The following PSMD1 variants were observed in gnomAD, a reference collection of about 807,000 sequenced individuals.
PSMD1 encodes the protein proteasome 26S subunit, non-ATPase 1.
In PSMD1, 18 loss-of-function variants were observed where a neutral mutation model predicts 119.0. The observed-to-expected ratio is 0.15, with a 90% CI of 0.10 to 0.22. PSMD1 has a LOEUF of 0.22. Ranked by LOEUF, PSMD1 falls within the 10% of genes least tolerant of loss-of-function variation. The probability of loss-of-function intolerance (pLI) is 1.00; values close to 1 mark genes in which losing one functional copy is unlikely to be tolerated. For synonymous variants in PSMD1, 374 were observed against 396.6 expected, an observed-to-expected ratio of 0.94 and a Z score of 0.68; for missense variants, 702 against 1,158.5, an observed-to-expected ratio of 0.61 and a Z score of 5.72.
At position 231,116,284 on chromosome 2, in the gene PSMD1, C is replaced by A. The variant is rs970316003; in HGVS notation, c.1884-22452C>A. ...TGAGGGTACATCTTGAGCTGAAGTT[C>A]TAGATTTAGGACTGTAAGTAGGGTG... On this transcript the variant is annotated intron_variant, in intron 16 of 24. Transcript: ENST00000308696. 3.3e-5 allele frequency among the ~76,000 whole-genome samples: 5 copies of A among 152,158 alleles called. No individual in the cohort carries two copies. The East Asian group carries it at 5.8e-4, about 18-fold the overall frequency.
At chr2:231,079,950 G>C (rs1162485771) in intron 11 of PSMD1, among the ~76,000 whole-genome samples, 191 bp from the exon 12 acceptor site, 1 of 151,800 alleles carries the variant, frequency 6.6e-6, no homozygotes, top group Non-Finnish European at 1.5e-5. Flanking sequence ...TTTCTAACCA[G>C]AGTGTAACTG....
chr2:231,142,715 A>G (rs1449752415), intron 17 of PSMD1, among the ~76,000 whole-genome samples: 1 of 152,080 alleles, frequency 6.6e-6, no homozygotes, highest in African/African-American at 2.4e-5. Context: ...TCAAAGGCCG[A>G]GTTACTGTCT....
intron 16 of PSMD1, chr2:231,114,014 G>C: frequency 9.4e-7 from 1 of 1,066,366 alleles, no homozygotes; most frequent in Non-Finnish European, 1.4e-6. Context: ...TACATCTTTT[G>C]TCTTTTTTGT....
chr2:231,169,482 T>C (rs544295724), intron 23 of PSMD1, among the ~76,000 whole-genome samples: 119 of 151,986 alleles, frequency 7.8e-4, no homozygotes, highest in Non-Finnish European at 1.4e-3. Context: ...AGGGAAGGGG[T>C]TGTAGAAAAA....
intron 19 of PSMD1, among the ~76,000 whole-genome samples, chr2:231,160,635 TA>T (rs1181137670): frequency 6.6e-6 from 1 of 152,212 alleles, no homozygotes; most frequent in Non-Finnish European, 1.5e-5. Flanking sequence ...AAGTATATAC[TA>T]AAACTTTGCT....
chr2:231,075,742 C>G (rs1694146693), intron 8 of PSMD1, among the ~76,000 whole-genome samples, 171 bp downstream of exon 8: 1 of 152,098 alleles, frequency 6.6e-6, no homozygotes, highest in South Asian at 2.1e-4. Context: ...TACCACCACG[C>G]CTGGCTAAGT....
intron 19 of PSMD1, among the ~76,000 whole-genome samples, chr2:231,159,902 C>T (rs1456765577): frequency 6.6e-6 from 1 of 152,240 alleles, no homozygotes; most frequent in Non-Finnish European, 1.5e-5. Flanking sequence ...CTAGATCCCT[C>T]GCGTGCGCGG....
intron 16 of PSMD1, among the ~76,000 whole-genome samples, chr2:231,094,486 G>A (rs748667599): frequency 9.9e-5 from 15 of 152,106 alleles, no homozygotes; most frequent in Non-Finnish European, 2.2e-4. Flanking sequence ...TGGACTTGAG[G>A]GCTGTTTCAA....
intron 17 of PSMD1, 159 bp downstream of exon 17, chr2:231,139,009 C>T: frequency 2.8e-6 from 2 of 711,590 alleles, no homozygotes; most frequent in South Asian, 3.0e-5. Context: ...TTCTGCGATG[C>T]TGGATTGCCC....
rs184764588 is a variant in PSMD1, at chr2:231,123,719, C to G, written c.1884-15017C>G. 4.3e-6 allele frequency: 7 copies of G among 1,613,992 alleles called. No individual in the cohort carries two copies. In the East Asian group the frequency reaches 1.3e-4, roughly 31 times the overall value. ...ACAAAGGTGCTCTGCAAAATGTGCT[C>G]AGGAATTGTGCTTTGAAGTTCAGAC... On this transcript the variant is annotated intron_variant, in intron 16 of 24. Transcript: ENST00000308696.
chr2:231,152,430 G>A (rs148023135), intron 18 of PSMD1, among the ~76,000 whole-genome samples: 6 of 152,220 alleles, frequency 3.9e-5, no homozygotes, highest in South Asian at 2.1e-4. Flanking sequence ...ATTACACGAC[G>A]TATATGTTAC....
intron 1 of PSMD1, among the ~76,000 whole-genome samples, chr2:231,057,543 G>T (rs965563145): frequency 6.6e-6 from 1 of 152,206 alleles, no homozygotes; most frequent in African/African-American, 2.4e-5. Context: ...GGTTTGAGGT[G>T]GGTCATTTCT....
At position 231,057,017 on chromosome 2, in the gene PSMD1, G is replaced by A; in HGVS notation, c.-9G>A. ...CGAGCGAGCCGACGGGCGAGTGAGG[G>A]GCGCAGCCATGATCACCTCGGCCGG... On this transcript the variant is annotated 5_prime_UTR_variant, in exon 1 of 25. Coordinates refer to ENST00000308696, the MANE Select transcript of PSMD1 (RefSeq NM_002807.4). 1 of 1,538,798 alleles carries A rather than the reference G, an allele frequency of 6.5e-7. No homozygotes were observed. The highest frequency in any genetic ancestry group is 8.7e-7 in the Non-Finnish European group (1 of 1,143,860).
At chr2:231,104,333 C>G (rs376766150) in intron 16 of PSMD1, among the ~76,000 whole-genome samples, 1 of 151,964 alleles carries the variant, frequency 6.6e-6, no homozygotes, top group Non-Finnish European at 1.5e-5. Flanking sequence ...CTCCCGTGAG[C>G]TGCTTAGGTT....
Position 231,083,676 on chromosome 2 carries a change from G to A in PSMD1, c.1635G>A (p.Leu545=), listed in dbSNP as rs1025331308. 6.2e-7 allele frequency: 1 copy of A among 1,614,188 alleles called. No homozygotes were observed. The highest frequency in any genetic ancestry group is 1.3e-5 in the African/African-American group (1 of 75,050). The part of the protein sequence containing the change: ...YAQETQHEKI[L]RGLAVGIALV... ...AAGAAACTCAACATGAGAAGATTCT[G>A]CGTGGTCTTGCAGTTGGCATAGCTT... Residue 545 remains leucine (L), a synonymous_variant, in exon 14 of 25, where the codon CTG becomes CTA. Coordinates refer to ENST00000308696, the MANE Select transcript of PSMD1 (RefSeq NM_002807.4).
At chr2:231,083,971 T>G (rs919407587) in intron 14 of PSMD1, among the ~76,000 whole-genome samples, 1 of 152,136 alleles carries the variant, frequency 6.6e-6, no homozygotes, top group African/African-American at 2.4e-5. Flanking sequence ...GATTTTAAAT[T>G]TTGCTATAGC....
At chr2:231,147,261 G>A (rs1405648618) in intron 18 of PSMD1, among the ~76,000 whole-genome samples, 2 of 152,222 alleles carry the variant, frequency 1.3e-5, no homozygotes, top group East Asian at 3.8e-4. Flanking sequence ...CGGAGGCTGA[G>A]GTGGGAGGAT....
At chr2:231,142,051 T>C (rs1696134466) in intron 17 of PSMD1, among the ~76,000 whole-genome samples, 1 of 152,028 alleles carries the variant, frequency 6.6e-6, no homozygotes, top group South Asian at 2.1e-4. Context: ...CCCGGCTAAT[T>C]TTTATATTTT....
rs865987996 is a variant in PSMD1 at position 231,137,556 on chromosome 2, T to A, written c.1884-1180T>A. 8.2e-3 allele frequency among the ~76,000 whole-genome samples: 1,243 copies of A among 152,262 alleles called. 21 individuals are homozygous for A. Among genetic ancestry groups the A allele is most frequent in the African/African-American group, 0.029 (1,190 of 41,540 alleles). On this transcript the variant is annotated intron_variant, in intron 16 of 24. Transcript: ENST00000308696. ...TCTTTCTTTTTTTTGTAATTTCAAC[T>A]TTTATCTTAGATTCTGGGGGTACAT...
Sources: allele counts gnomAD v4.1 joint callset (sites outside exome capture counted in the v4.1 genomes callset), GRCh38; gene constraint gnomAD v4.1.1; transcripts MANE v1.5; gene names NCBI Gene and HGNC (gene_info 2026-07-23, HGNC 2026-07-21).